Variants in ZBTB37 observed in about 807,000 individuals in gnomAD.
ZBTB37 encodes the protein zinc finger and BTB domain-containing protein 37.
A neutral mutation model predicts 37.7 loss-of-function variants in ZBTB37; 15 were observed. The observed-to-expected ratio is 0.40, with a 90% CI of 0.27 to 0.61. ZBTB37 has a LOEUF of 0.61. ZBTB37 is among the 20% of genes least tolerant of loss of function. The pLI is 0.44. For missense variants in ZBTB37, 514 were observed against 641.9 expected (o/e 0.80, Z 2.15); for synonymous variants, 231 against 220.6 (o/e 1.05, Z -0.42).
chr1:173,893,348 TGTCTGCAG>T (rs1288581142), exon 4 of ZBTB37: 2 of 152,270 alleles, frequency 1.3e-5, no homozygotes, highest in African/African-American at 2.4e-5. Context: ...TGAAATCACC[TGTCTGCAG>T]TGATAGGTAA....
downstream of ZBTB37, chr1:173,887,771 T>A (rs149827380): frequency 1.8e-3 from 274 of 152,344 alleles, 1 homozygote; most frequent in African/African-American, 6.3e-3. Flanking sequence ...TAGATGACTG[T>A]AAAAGAGATT....
rs866585565 is a variant in ZBTB37, at chr1:173,870,147, C to A, written c.-29-50C>A. The A allele has an allele frequency of 5.6e-6, 7 of 1,249,398 alleles. No homozygotes were observed. The Middle Eastern group carries it at 1.4e-3, about 244-fold the overall frequency. 77.4% of individuals were successfully genotyped at this position (1,249,398 alleles called of 1,614,324 possible). On this transcript the variant is annotated intron_variant, in intron 2 of 4. Transcript: ENST00000427304. ...TAAATACTTTTGAAATGGAAACCAT[C>A]CGGGAAGTAAAATTATAATTATTAA...
chr1:173,879,210 A>G (rs751278356), intron 4 of ZBTB37, among the ~76,000 whole-genome samples: 1 of 152,128 alleles, frequency 6.6e-6, no homozygotes, highest in Non-Finnish European at 1.5e-5. Flanking sequence ...GGTAGGTTTA[A>G]TCCATCCAGA....
exon 4 of ZBTB37, chr1:173,900,175 T>C (rs949823253): frequency 6.6e-6 from 1 of 152,208 alleles, no homozygotes; most frequent in South Asian, 2.1e-4. Flanking sequence ...GCCTGTCTTC[T>C]AAGTGGGATT....
At chr1:173,891,477 A>T (rs1656836530), downstream of ZBTB37, 1 of 149,104 alleles carries the variant, frequency 6.7e-6, no homozygotes, top group African/African-American at 2.4e-5. Context: ...TTCTTTTTAG[A>T]CCTATCTTCC....
chr1:173,889,753 C>T (rs956761976), downstream of ZBTB37: 4 of 152,178 alleles, frequency 2.6e-5, no homozygotes, highest in Non-Finnish European at 5.9e-5. Context: ...CAAACTACCC[C>T]ATGCCATTTT....
chr1:173,871,328 C>T (rs1572048508), intron 3 of ZBTB37, among the ~76,000 whole-genome samples, 180 bp downstream of exon 3: 1 of 152,184 alleles, frequency 6.6e-6, no homozygotes, highest in Non-Finnish European at 1.5e-5. Context: ...AACCAGGAAG[C>T]TCCATTCCTG....
chr1:173,870,459 T>G, exon 3 of ZBTB37: 1 of 1,614,262 alleles, frequency 6.2e-7, no homozygotes, highest in Non-Finnish European at 8.5e-7. Flanking sequence ...AGAACCCTAC[T>G]GTTTTTGAAC....
intron 4 of ZBTB37, among the ~76,000 whole-genome samples, chr1:173,881,368 A>G: frequency 6.6e-6 from 1 of 152,044 alleles, no homozygotes; most frequent in Non-Finnish European, 1.5e-5. Context: ...GGACATTTGG[A>G]TTGGTTCCAA....
chr1:173,877,593 C>G (rs1656056158), intron 4 of ZBTB37, among the ~76,000 whole-genome samples: 1 of 151,996 alleles, frequency 6.6e-6, no homozygotes, highest in Non-Finnish European at 1.5e-5. Flanking sequence ...GTTGCCCAGG[C>G]TGATCTCGAA....
intron 2 of ZBTB37, among the ~76,000 whole-genome samples, chr1:173,869,710 T>A (rs1380570041): frequency 5.3e-5 from 8 of 152,208 alleles, no homozygotes; most frequent in Non-Finnish European, 1.2e-4. Context: ...GGGATATTAG[T>A]CCTTTTATAA....
At chr1:173,888,886 C>T (rs558984482), downstream of ZBTB37, 5 of 152,228 alleles carry the variant, frequency 3.3e-5, no homozygotes, top group Non-Finnish European at 7.3e-5. Context: ...GGGTTAGCAA[C>T]AAACAAATGA....
At chr1:173,885,562 TAG>T in intron 4 of ZBTB37, 72 bp from the exon 5 acceptor site, 1 of 1,275,596 alleles carries the variant, frequency 7.8e-7, no homozygotes, top group East Asian at 2.6e-5. Flanking sequence ...CAAGTAAAAA[TAG>T]ATTTGATTGC....
chr1:173,897,935 T>G (rs569585690), exon 4 of ZBTB37: 1 of 152,320 alleles, frequency 6.6e-6, no homozygotes, highest in South Asian at 2.1e-4. Context: ...ACACTTGAGT[T>G]TAGTGCTTTT....
chr1:173,877,131 G>A (rs905820282), intron 4 of ZBTB37, among the ~76,000 whole-genome samples: 4 of 152,048 alleles, frequency 2.6e-5, no homozygotes, highest in Admixed American at 6.6e-5. Flanking sequence ...ATGGAAGCAC[G>A]GTTACATATG....
At chr1:173,877,786 C>G (rs1477313196) in intron 4 of ZBTB37, among the ~76,000 whole-genome samples, 1 of 152,128 alleles carries the variant, frequency 6.6e-6, no homozygotes, top group East Asian at 1.9e-4. Context: ...AGTCTACTCA[C>G]CAGTTTTTTT....
intron 3 of ZBTB37, among the ~76,000 whole-genome samples, chr1:173,872,365 G>A (rs565218511): frequency 6.6e-6 from 1 of 151,812 alleles, no homozygotes; most frequent in Non-Finnish European, 1.5e-5. Flanking sequence ...GAGCCACTGC[G>A]CCCGGCCTTA....
chr1:173,870,653 C>T, exon 3 of ZBTB37: 2 of 1,614,136 alleles, frequency 1.2e-6, no homozygotes, highest in Non-Finnish European at 1.7e-6. Context: ...CAAACAAGGA[C>T]AAAGCATCAA....
exon 3 of ZBTB37, chr1:173,870,242 A>G (rs146155815): frequency 5.0e-6 from 8 of 1,611,802 alleles, no homozygotes; most frequent in South Asian, 2.2e-5. Flanking sequence ...AAAGGTGGGA[A>G]CATACAATTG....
Sources: allele counts gnomAD v4.1 joint callset (sites outside exome capture counted in the v4.1 genomes callset), GRCh38; gene constraint gnomAD v4.1.1; transcripts MANE v1.5; gene names NCBI Gene and HGNC (gene_info 2026-07-23, HGNC 2026-07-21).